TTC39A: variants seen among roughly 807,000 people sequenced by gnomAD.
The protein encoded by TTC39A is tetratricopeptide repeat domain 39A, also known as tetratricopeptide repeat protein 39A.
In TTC39A, 46 loss-of-function variants were observed where a neutral mutation model predicts 82.3. The ratio of observed to expected loss-of-function variants is 0.56; its 90% confidence interval spans 0.44 to 0.71. The LOEUF (loss-of-function observed/expected upper bound fraction) is 0.71, where lower values mean the gene tolerates loss of function less well. Among genes scored for constraint, TTC39A ranks in the 30% least tolerant of loss-of-function variants. The pLI is 0.00. For missense variants in TTC39A, 543 were observed against 712.9 expected (o/e 0.76, Z 2.71); for synonymous variants, 254 against 275.2 (o/e 0.92, Z 0.76).
chr1:51,320,416 CTTTTTTTTTTTT>C (rs57261779), intron 2 of TTC39A, among the ~76,000 whole-genome samples: 1 of 79,452 alleles, frequency 1.3e-5, no homozygotes. Context: ...TTTTCTTTTT[CTTTTTTTTTTTT>C]TTTTTTTTGA....
chr1:51,288,679 C>T lies in TTC39A; in HGVS notation c.1610+160G>A, dbSNP rs1273381501. Among the ~76,000 whole-genome samples, 7 of 152,154 alleles carry T rather than the reference C, an allele frequency of 4.6e-5. No individual in the cohort carries two copies. The highest frequency in any genetic ancestry group is 1.7e-4 in the African/African-American group (7 of 41,432). ...AAGAAAGAAGTCTTCCTATGACAGG[C>T]GAGAGCTGGATTCCGAGGGACACAG... On this transcript the variant is annotated intron_variant, in intron 17 of 17. Coordinates refer to ENST00000680483, the MANE Select transcript of TTC39A (RefSeq NM_001297663.2). This position sits in a 1 kb window ranked among gnomAD's most constrained non-coding sequence, Gnocchi z 4.8.
intron 11 of TTC39A, 105 bp downstream of exon 11, chr1:51,302,251 GC>G: frequency 1.6e-5 from 8 of 511,170 alleles, no homozygotes; most frequent in Non-Finnish European, 2.0e-5. Context: ...CCCCCCCCCC[GC>G]CCCCAGTCTA....
chr1:51,322,988 C>T (rs1437428285), intron 1 of TTC39A, among the ~76,000 whole-genome samples: 1 of 152,180 alleles, frequency 6.6e-6, no homozygotes, highest in East Asian at 1.9e-4. Flanking sequence ...TCTGTTCTCC[C>T]CCAGTCTTTG....
chr1:51,302,840 C>T (rs138815167), intron 9 of TTC39A, among the ~76,000 whole-genome samples: 428 of 152,284 alleles, frequency 2.8e-3, no homozygotes, highest in Non-Finnish European at 4.4e-3. Flanking sequence ...GTCTTCACAC[C>T]CTCTACAGGG....
At chr1:51,292,607 T>A (rs537994859) in intron 14 of TTC39A, among the ~76,000 whole-genome samples, 2 of 152,218 alleles carry the variant, frequency 1.3e-5, no homozygotes, top group South Asian at 2.1e-4. Context: ...AATTTTGAAT[T>A]TTTTGTAAAG....
chr1:51,320,275 G>A (rs943746543), intron 2 of TTC39A, among the ~76,000 whole-genome samples: 7 of 152,038 alleles, frequency 4.6e-5, no homozygotes, highest in Non-Finnish European at 8.8e-5. Flanking sequence ...TAGGCCAATG[G>A]GAAAAGCAAT....
At chr1:51,328,238 A>G (rs1386696669) in intron 1 of TTC39A, among the ~76,000 whole-genome samples, 1 of 152,144 alleles carries the variant, frequency 6.6e-6, no homozygotes, top group East Asian at 1.9e-4. Flanking sequence ...ACAACCCAGC[A>G]ATTCCACTAC....
At chr1:51,325,029 C>A (rs1475744036) in intron 1 of TTC39A, among the ~76,000 whole-genome samples, 1 of 150,948 alleles carries the variant, frequency 6.6e-6, no homozygotes, top group African/African-American at 2.4e-5. Context: ...CTGAGGCGGG[C>A]GGATCACCTG....
chr1:51,303,960 G>A (rs1460784110), intron 8 of TTC39A, among the ~76,000 whole-genome samples: 1 of 152,230 alleles, frequency 6.6e-6, no homozygotes, highest in African/African-American at 2.4e-5. Flanking sequence ...TCGGGCAGCA[G>A]ATAGCAGCTA....
At chr1:51,322,018 T>G in intron 1 of TTC39A, 193 bp from the exon 2 acceptor site, 1 of 1,464,538 alleles carries the variant, frequency 6.8e-7, no homozygotes, top group South Asian at 1.3e-5. Context: ...TTCCCAAGGG[T>G]GGGAGGGGGA....
At chr1:51,305,529 C>T (rs1415695290) in intron 7 of TTC39A, 4 of 307,386 alleles carry the variant, frequency 1.3e-5, no homozygotes, top group African/African-American at 4.3e-5. Flanking sequence ...ATGCTCACCC[C>T]CTCCCGTAGG....
chr1:51,315,404 C>T (rs937152346), intron 2 of TTC39A, among the ~76,000 whole-genome samples: 1 of 152,170 alleles, frequency 6.6e-6, no homozygotes, highest in African/African-American at 2.4e-5. Flanking sequence ...GCCGCTAGTC[C>T]CCTCATTCCT....
chr1:51,298,491 AAG>A (rs1644529948), intron 12 of TTC39A: 1 of 152,608 alleles, frequency 6.6e-6, no homozygotes, highest in Non-Finnish European at 1.5e-5. Flanking sequence ...GCTCATCTCC[AAG>A]AGTCTTCCCT....
At chr1:51,306,404 TG>T (rs1557716492) in intron 6 of TTC39A, among the ~76,000 whole-genome samples, 1 of 152,104 alleles carries the variant, frequency 6.6e-6, no homozygotes, top group Non-Finnish European at 1.5e-5. Context: ...TCTTTGTTGG[TG>T]GGGGTGGCAG....
At chr1:51,306,326 G>A (rs1644866198) in intron 6 of TTC39A, among the ~76,000 whole-genome samples, 1 of 152,164 alleles carries the variant, frequency 6.6e-6, no homozygotes, top group South Asian at 2.1e-4. Context: ...ACATTTGTTC[G>A]TATTCCACAT....
In TTC39A at chr1:51,303,154, C is replaced by A; in HGVS notation, c.693G>T (p.Gly231=). Residue 231 remains glycine (G), a synonymous_variant, in exon 9 of 18, where the codon GGG becomes GGT. Coordinates refer to ENST00000680483, the MANE Select transcript of TTC39A (RefSeq NM_001297663.2). The stretch of plus-strand genomic sequence containing the variant: ...CACAGAGCACAGAGCGGAAGCTGTG[C>A]CCTGACGCTCCCTCCTCCAGCTGCA... ...GLLQLEEGAS[G]HSFRSVLCVM... 1 of 1,579,166 alleles carries A rather than the reference C, an allele frequency of 6.3e-7. No individual in the cohort carries two copies. Among genetic ancestry groups the A allele is most frequent in the South Asian group, 1.2e-5 (1 of 85,784 alleles).
Position 51,321,846 on chromosome 1 carries a change from C to T in TTC39A, c.42-21G>A, listed in dbSNP as rs372996789. 17 of 1,602,734 alleles carry T rather than the reference C, an allele frequency of 1.1e-5. No individual in the cohort carries two copies. Among genetic ancestry groups the T allele is most frequent in the Middle Eastern group, 1.7e-4 (1 of 5,950 alleles). On this transcript the variant is annotated intron_variant, in intron 1 of 17. Transcript: ENST00000680483. The surrounding 1 kb of genome is among the most constrained non-coding windows in gnomAD (Gnocchi z 4.6). ...GAGTCCTGGGGGAAGAGATGCGGGG[C>T]ATGACACAGGGGCCCTCCAACCCTC...
chr1:51,295,952 G>T, intron 13 of TTC39A, 127 bp downstream of exon 13: 2 of 984,934 alleles, frequency 2.0e-6, no homozygotes, highest in Non-Finnish European at 1.6e-6. Flanking sequence ...GTCCGCGGGT[G>T]GGGGCAGGGA....
chr1:51,296,033 C>T (rs1246442788), intron 13 of TTC39A, 46 bp downstream of exon 13: 4 of 1,546,272 alleles, frequency 2.6e-6, no homozygotes, highest in Non-Finnish European at 3.5e-6. Context: ...TAGCGGCCTA[C>T]ACGGTGGGAG....
Sources: gnomAD v4.1 joint callset for allele counts (sites outside exome capture counted in the v4.1 genomes callset) on GRCh38, gnomAD v4.1.1 for gene constraint, Gnocchi (gnomAD v3.1) non-coding constraint, MANE v1.5 for transcripts, NCBI Gene and HGNC (gene_info 2026-07-23, HGNC 2026-07-21) for gene names.